The following MACROH2A2 variants were observed in gnomAD, a reference collection of about 807,000 sequenced individuals.
MACROH2A2 encodes the protein macroH2A.2 histone.
Under a neutral mutation model 37.6 loss-of-function variants are expected in MACROH2A2, and 6 were observed. The observed-to-expected ratio is 0.16, with a 90% CI of 0.09 to 0.32. The LOEUF (loss-of-function observed/expected upper bound fraction) is 0.32, where lower values mean the gene tolerates loss of function less well. MACROH2A2 is among the 10% of genes least tolerant of loss of function. The pLI, the probability that MACROH2A2 is intolerant of heterozygous loss-of-function variation, is 1.00. For synonymous variants in MACROH2A2, 192 were observed against 202.7 expected (o/e 0.95, Z 0.45); for missense variants, 290 against 485.9 (o/e 0.60, Z 3.79).
At chr10:70,087,681 C>T (rs1431469958) in intron 2 of MACROH2A2, among the ~76,000 whole-genome samples, 1 of 152,202 alleles carries the variant, frequency 6.6e-6, no homozygotes, top group Non-Finnish European at 1.5e-5. Context: ...ATTTCAAATA[C>T]CCTATCCCAC....
In MACROH2A2 at chr10:70,075,702, G is replaced by A. The variant is rs1424339350; in HGVS notation, c.44G>A (p.Arg15His). ...AAGAAGAAAATGTCCAAGCTGTCCC[G>A]TTCAGCTAGGGCAGGTGTCATCTTT... ...SGKKKMSKLS[R>H]SARAGVIFPV... Residue 15 changes from arginine (R) to histidine (H), a missense_variant, in exon 2 of 9, where the codon CGT becomes CAT. Arg to His is a conservative substitution (Grantham distance 29). Around this residue, in one of 3 missense-constraint regions of MACROH2A2, gnomAD observed 83 missense variants for 159.9 expected, o/e 0.52. Transcript: ENST00000373255. This position sits in a 1 kb window ranked among gnomAD's most constrained non-coding sequence, Gnocchi z 5.0. 2.5e-6 allele frequency: 4 copies of A among 1,614,044 alleles called. No homozygotes were observed. Among genetic ancestry groups the A allele is most frequent in the East Asian group, 2.2e-5 (1 of 44,900 alleles).
chr10:70,068,353 G>A (rs1367356221), intron 1 of MACROH2A2, among the ~76,000 whole-genome samples: 1 of 152,140 alleles, frequency 6.6e-6, no homozygotes, highest in African/African-American at 2.4e-5. Context: ...TTCCATTTAT[G>A]AAGTGTTGAG....
At chr10:70,073,346 C>A (rs1199653562) in intron 1 of MACROH2A2, among the ~76,000 whole-genome samples, 1 of 152,216 alleles carries the variant, frequency 6.6e-6, no homozygotes, top group Non-Finnish European at 1.5e-5. Context: ...TGAGCAGCCA[C>A]AGACAGCAGC....
chr10:70,079,363 G>T lies in MACROH2A2; in HGVS notation c.172+3533G>T, dbSNP rs566907711. On this transcript the variant is annotated intron_variant, in intron 2 of 8. Transcript: ENST00000373255. ...GAGTCAGCCAGATTCAGACTGGGGG[G>T]GCGGGTGAACTAGGGGAAGATAGTA... is the stretch of plus-strand genomic sequence containing the variant. Among the ~76,000 whole-genome samples the T allele has an allele frequency of 1.2e-3, 181 of 152,064 alleles. 2 individuals are homozygous for T. The highest frequency in any genetic ancestry group is 4.1e-3 in the African/African-American group (171 of 41,446).
intron 1 of MACROH2A2, among the ~76,000 whole-genome samples, chr10:70,068,491 G>A (rs2072091346): frequency 6.6e-6 from 1 of 152,184 alleles, no homozygotes; most frequent in Non-Finnish European, 1.5e-5. Context: ...ATTACAAATA[G>A]GATGTGTACA....
At chr10:70,065,549 G>T (rs1458695349) in intron 1 of MACROH2A2, among the ~76,000 whole-genome samples, 4 of 152,108 alleles carry the variant, frequency 2.6e-5, no homozygotes, top group African/African-American at 9.7e-5. Context: ...GTTTCAGAGA[G>T]ATTTGAAGAC....
intron 1 of MACROH2A2, among the ~76,000 whole-genome samples, chr10:70,063,009 A>G (rs184616590): frequency 6.6e-6 from 1 of 152,096 alleles, no homozygotes; most frequent in Non-Finnish European, 1.5e-5. Context: ...CAAAAACTAA[A>G]TAAATAAATA....
At chr10:70,055,006 G>A (rs1224804960) in intron 1 of MACROH2A2, among the ~76,000 whole-genome samples, 1 of 152,110 alleles carries the variant, frequency 6.6e-6, no homozygotes, top group Non-Finnish European at 1.5e-5. Flanking sequence ...CCTTGAATCC[G>A]GAGTGTCCCT....
intron 1 of MACROH2A2, among the ~76,000 whole-genome samples, chr10:70,062,409 A>T (rs1235720869): frequency 6.6e-6 from 1 of 152,272 alleles, no homozygotes; most frequent in Non-Finnish European, 1.5e-5. Flanking sequence ...CAGCAATTTT[A>T]AAACAGTACA....
chr10:70,054,348 C>T (rs1006056452), intron 1 of MACROH2A2, among the ~76,000 whole-genome samples: 1 of 152,178 alleles, frequency 6.6e-6, no homozygotes, highest in Non-Finnish European at 1.5e-5. Flanking sequence ...GGGCAGTTAC[C>T]CTGTCACAGC....
chr10:70,081,528 A>G (rs2136629493), intron 2 of MACROH2A2, among the ~76,000 whole-genome samples: 1 of 152,164 alleles, frequency 6.6e-6, no homozygotes, highest in Non-Finnish European at 1.5e-5. Context: ...TGAGCGTGTG[A>G]CGCGTCAGAG....
At chr10:70,066,643 T>A (rs554276323) in intron 1 of MACROH2A2, among the ~76,000 whole-genome samples, 1 of 152,298 alleles carries the variant, frequency 6.6e-6, no homozygotes, top group East Asian at 1.9e-4. Context: ...TAAAGGAACA[T>A]CTTTTGTCAA....
Position 70,075,065 on chromosome 10 carries a change from G to T in MACROH2A2, c.-59-535G>T, listed in dbSNP as rs985905897. On this transcript the variant is annotated intron_variant, in intron 1 of 8. Coordinates refer to ENST00000373255, the MANE Select transcript of MACROH2A2 (RefSeq NM_018649.3). The surrounding 1 kb of genome is among the most constrained non-coding windows in gnomAD (Gnocchi z 5.0). ...TGGGCTAAAGTCAAGGTATCAGCAG[G>T]ACTAATTCCTTCTGATGGCTTTGAG... Among the ~76,000 whole-genome samples, 1 of 152,160 alleles carries T rather than the reference G, an allele frequency of 6.6e-6. No individual in the cohort carries two copies. The highest frequency in any genetic ancestry group is 2.1e-4 in the South Asian group (1 of 4,826).
chr10:70,090,534 T>G (rs1000001984), intron 3 of MACROH2A2, among the ~76,000 whole-genome samples: 5 of 152,250 alleles, frequency 3.3e-5, no homozygotes, highest in Admixed American at 3.3e-4. Context: ...TAGAACTGAC[T>G]GTTTATATTC....
chr10:70,086,925 C>T (rs753240356), intron 2 of MACROH2A2, among the ~76,000 whole-genome samples: 1 of 152,200 alleles, frequency 6.6e-6, no homozygotes, highest in Admixed American at 6.5e-5. Flanking sequence ...AACAGCGGCT[C>T]ACGCCTGGAA....
intron 7 of MACROH2A2, among the ~76,000 whole-genome samples, chr10:70,104,333 C>A (rs1301369317): frequency 7.3e-5 from 11 of 150,838 alleles, no homozygotes; most frequent in Admixed American, 7.3e-4. Context: ...GAGCAAATAT[C>A]TTGACCTTGG....
intron 1 of MACROH2A2, among the ~76,000 whole-genome samples, chr10:70,071,611 G>A (rs892112805): frequency 6.6e-6 from 1 of 152,164 alleles, no homozygotes; most frequent in Non-Finnish European, 1.5e-5. Flanking sequence ...TTTTGTCATT[G>A]TGCAAACAGC....
At chr10:70,104,016 G>A (rs571871858) in intron 7 of MACROH2A2, among the ~76,000 whole-genome samples, 5 of 152,250 alleles carry the variant, frequency 3.3e-5, no homozygotes, top group Non-Finnish European at 7.4e-5. Context: ...GGAAGGAGAG[G>A]GCTACAGGAC....
chr10:70,088,529 C>T (rs2072225473), intron 2 of MACROH2A2, among the ~76,000 whole-genome samples: 6 of 152,096 alleles, frequency 3.9e-5, no homozygotes, highest in Admixed American at 3.3e-4. Flanking sequence ...TTTTTTTACC[C>T]CAAGGTTTTA....
Sources: gnomAD v4.1 joint callset for allele counts (sites outside exome capture counted in the v4.1 genomes callset) on GRCh38, gnomAD v4.1.1 for gene constraint, gnomAD v4.1.1 regional missense constraint, Gnocchi (gnomAD v3.1) non-coding constraint, MANE v1.5 for transcripts, NCBI Gene and HGNC (gene_info 2026-07-23, HGNC 2026-07-21) for gene names.